The following NOPCHAP1 variants were observed in gnomAD, a reference collection of about 807,000 sequenced individuals.
NOPCHAP1 encodes the protein DNA damage-sensitive RNA 1.
A neutral mutation model predicts 14.0 loss-of-function variants in NOPCHAP1; 13 were observed. That is an observed-to-expected ratio of 0.93 (90% CI 0.60 to 1.47). The LOEUF (loss-of-function observed/expected upper bound fraction) is 1.47, where lower values mean the gene tolerates loss of function less well. NOPCHAP1 is among the 40% of genes most tolerant of loss of function. The pLI, the probability that NOPCHAP1 is intolerant of heterozygous loss-of-function variation, is 0.00. For synonymous variants in NOPCHAP1, 78 were observed against 78.4 expected, an observed-to-expected ratio of 1.00 and a Z score of 0.03; for missense variants, 230 against 226.9, an observed-to-expected ratio of 1.01 and a Z score of -0.09.
rs573499770 is a variant in NOPCHAP1 at position 105,015,364 on chromosome 12, G to T, written c.*20668G>T. The T allele has an allele frequency of 6.6e-6, 1 of 152,308 alleles. No homozygotes were observed. The highest frequency in any genetic ancestry group is 2.1e-4 in the South Asian group (1 of 4,832). 9.4% of individuals were successfully genotyped at this position (152,308 alleles called of 1,614,324 possible). The stretch of plus-strand genomic sequence containing the variant: ...TAGGCATGGAATAATGATAATAAAT[G>T]GATTAAATGGATGCATGAAGGTATA... On this transcript the variant is annotated 3_prime_UTR_variant, in exon 4 of 4. Transcript: ENST00000552951.
intron 2 of NOPCHAP1, among the ~76,000 whole-genome samples, chr12:104,988,682 A>G (rs1369393854): frequency 1.3e-5 from 2 of 152,208 alleles, no homozygotes; most frequent in African/African-American, 4.8e-5. Context: ...TGTACTGCAC[A>G]TTCATAAGTA....
intron 2 of NOPCHAP1, among the ~76,000 whole-genome samples, chr12:104,989,730 A>G (rs1002595216): frequency 3.9e-5 from 6 of 152,126 alleles, no homozygotes; most frequent in Admixed American, 1.3e-4. Context: ...GCCTCTCCTG[A>G]AGGGACTCCA....
In NOPCHAP1 at chr12:105,015,128, C is replaced by T. The variant is rs1873918128; in HGVS notation, c.*20432C>T. ...GGAAATTGGAACCAGCTCTCCTTGA[C>T]TGTGACTCACTCGCTAAATGTGTAA... On this transcript the variant is annotated 3_prime_UTR_variant, in exon 4 of 4. Coordinates refer to ENST00000552951, the MANE Select transcript of NOPCHAP1 (RefSeq NM_152318.3). 6.6e-6 allele frequency: 1 copy of T among 152,226 alleles called. No individual in the cohort carries two copies. Among genetic ancestry groups the T allele is most frequent in the African/African-American group, 2.4e-5 (1 of 41,454 alleles). The allele number at this position is 152,226 out of a possible 1,614,324, so 9.4% of individuals were successfully genotyped here.
At position 105,008,357 on chromosome 12, in the gene NOPCHAP1, A is replaced by T. The variant is rs571247286; in HGVS notation, c.*13661A>T. ...TTGTTTTTTTCTCGTAAATTTGTTT[A>T]AGTTCTTTGTAGATTATGGATATTA... On this transcript the variant is annotated 3_prime_UTR_variant, in exon 4 of 4. Coordinates refer to ENST00000552951, the MANE Select transcript of NOPCHAP1 (RefSeq NM_152318.3). 1 of 152,014 alleles carries T rather than the reference A, an allele frequency of 6.6e-6. No homozygotes were observed. Among genetic ancestry groups the T allele is most frequent in the Non-Finnish European group, 1.5e-5 (1 of 68,006 alleles). The allele number at this position is 152,014 out of a possible 1,614,324, so 9.4% of individuals were successfully genotyped here. A position where few individuals can be genotyped will look rare whatever the true frequency, so the allele number is the denominator to read the frequency against.
In NOPCHAP1 at chr12:104,999,186, G is replaced by A. The variant is rs963632284; in HGVS notation, c.*4490G>A. On this transcript the variant is annotated 3_prime_UTR_variant, in exon 4 of 4. Coordinates refer to ENST00000552951, the MANE Select transcript of NOPCHAP1 (RefSeq NM_152318.3). Reference sequence around the variant, plus strand: ...TGTACCCACACACTGGCAGGAAATTGGAGGCGAGGTCTGTGTACACAGGTG... The same window carrying A: ...TGTACCCACACACTGGCAGGAAATTAGAGGCGAGGTCTGTGTACACAGGTG... 6.6e-5 allele frequency: 10 copies of A among 152,332 alleles called. No individual in the cohort carries two copies. The highest frequency in any genetic ancestry group is 2.4e-4 in the African/African-American group (10 of 41,406). The allele number at this position is 152,332 out of a possible 1,614,324, so 9.4% of individuals were successfully genotyped here. A position where few individuals can be genotyped will look rare whatever the true frequency, so the allele number is the denominator to read the frequency against.
rs1873687097 is a variant in NOPCHAP1, at chr12:105,005,413, G to A, written c.*10717G>A. On this transcript the variant is annotated 3_prime_UTR_variant, in exon 4 of 4. Coordinates refer to ENST00000552951, the MANE Select transcript of NOPCHAP1 (RefSeq NM_152318.3). ...TACACCCTATTTAAATGAGGTAGTG[G>A]TCTGCAGCCAGTCTGATTAGTTGCT... 6.6e-6 allele frequency: 1 copy of A among 152,238 alleles called. No homozygotes were observed. Among genetic ancestry groups the A allele is most frequent in the Non-Finnish European group, 1.5e-5 (1 of 68,052 alleles). The allele number at this position is 152,238 out of a possible 1,614,324, so 9.4% of individuals were successfully genotyped here. A position where few individuals can be genotyped will look rare whatever the true frequency, so the allele number is the denominator to read the frequency against.
chr12:104,993,749 A>T (rs1462089209), intron 3 of NOPCHAP1, among the ~76,000 whole-genome samples: 3 of 152,238 alleles, frequency 2.0e-5, no homozygotes, highest in Admixed American at 1.3e-4. Context: ...TGAGCTGAAC[A>T]AAAGTAGGCG....
chr12:105,011,829 C>T lies in NOPCHAP1; in HGVS notation c.*17133C>T, dbSNP rs1411108422. ...GTTGAATATTGGCCCCCACTCTCTTCTGGCTTGTAGGGTTTCTTCAGAGAG... is the reference window on the plus strand; with the variant it reads ...GTTGAATATTGGCCCCCACTCTCTTTTGGCTTGTAGGGTTTCTTCAGAGAG... On this transcript the variant is annotated 3_prime_UTR_variant, in exon 4 of 4. Transcript: ENST00000552951. The T allele has an allele frequency of 1.3e-5, 2 of 152,214 alleles. No individual in the cohort carries two copies. Among genetic ancestry groups the T allele is most frequent in the Admixed American group, 6.5e-5 (1 of 15,284 alleles). 9.4% of individuals were successfully genotyped at this position (152,214 alleles called of 1,614,324 possible).
At position 105,010,744 on chromosome 12, in the gene NOPCHAP1, A is replaced by G. The variant is rs999154933; in HGVS notation, c.*16048A>G. 1.3e-5 allele frequency: 2 copies of G among 152,196 alleles called. No individual in the cohort carries two copies. The highest frequency in any genetic ancestry group is 2.9e-5 in the Non-Finnish European group (2 of 68,032). The allele number at this position is 152,196 out of a possible 1,614,324, so 9.4% of individuals were successfully genotyped here. A position where few individuals can be genotyped will look rare whatever the true frequency, so the allele number is the denominator to read the frequency against. On this transcript the variant is annotated 3_prime_UTR_variant, in exon 4 of 4. Transcript: ENST00000552951. ...AAACTTCGTTATTTACCCAGTAGTC[A>G]TTCAGGAGCAGGTTGTTCAGTTTCC...
chr12:104,988,153 G>T lies in NOPCHAP1; in HGVS notation c.116-14G>T, dbSNP rs1873283982. On this transcript the variant is annotated splice_polypyrimidine_tract_variant and intron_variant, in intron 1 of 3. Coordinates refer to ENST00000552951, the MANE Select transcript of NOPCHAP1 (RefSeq NM_152318.3). ...TGTAGTAAATTAAGGGTGTTTGTGT[G>T]TCTGTATTTTCAGGTATATGGGACA... is the stretch of plus-strand genomic sequence containing the variant. 6.3e-7 allele frequency: 1 copy of T among 1,586,156 alleles called. No individual in the cohort carries two copies. The highest frequency in any genetic ancestry group is 1.3e-5 in the African/African-American group (1 of 74,496).
In NOPCHAP1 at chr12:105,003,439, C is replaced by T. The variant is rs1462534856; in HGVS notation, c.*8743C>T. ...TTCTACTGGACCCAGTCTCTGGACCCTGTTTGGTAAAAGAATTGTTCAAGT... is the reference window on the plus strand; with the variant it reads ...TTCTACTGGACCCAGTCTCTGGACCTTGTTTGGTAAAAGAATTGTTCAAGT... On this transcript the variant is annotated 3_prime_UTR_variant, in exon 4 of 4. Transcript: ENST00000552951. The T allele has an allele frequency of 6.6e-6, 1 of 152,178 alleles. No individual in the cohort carries two copies. Among genetic ancestry groups the T allele is most frequent in the Non-Finnish European group, 1.5e-5 (1 of 68,046 alleles). The allele number at this position is 152,178 out of a possible 1,614,324, so 9.4% of individuals were successfully genotyped here.
At position 105,008,677 on chromosome 12, in the gene NOPCHAP1, G is replaced by A. The variant is rs1024020300; in HGVS notation, c.*13981G>A. 1 of 152,094 alleles carries A rather than the reference G, an allele frequency of 6.6e-6. No individual in the cohort carries two copies. The highest frequency in any genetic ancestry group is 1.5e-5 in the Non-Finnish European group (1 of 68,000). The allele number at this position is 152,094 out of a possible 1,614,324, so 9.4% of individuals were successfully genotyped here. ...TTTTTGTATAAGGTGTAAGAAAGGGGTCCAGTTTCAGTTTTCTGCATATGG... is the reference window on the plus strand; with the variant it reads ...TTTTTGTATAAGGTGTAAGAAAGGGATCCAGTTTCAGTTTTCTGCATATGG... On this transcript the variant is annotated 3_prime_UTR_variant, in exon 4 of 4. Coordinates refer to ENST00000552951, the MANE Select transcript of NOPCHAP1 (RefSeq NM_152318.3).
intron 2 of NOPCHAP1, among the ~76,000 whole-genome samples, chr12:104,988,969 C>T (rs1873314127): frequency 6.6e-6 from 1 of 151,586 alleles, no homozygotes; most frequent in South Asian, 2.1e-4. Flanking sequence ...TGAGGGATTA[C>T]ATACCTAGGA....
rs1873755980 is a variant in NOPCHAP1 at position 105,008,721 on chromosome 12, A to G, written c.*14025A>G. On this transcript the variant is annotated 3_prime_UTR_variant, in exon 4 of 4. Transcript: ENST00000552951. ...CATATGGCTAGCCAGTTTACCCAAC[A>G]CCATTTATTAAATAGGGAATCTTTT... 1 of 152,144 alleles carries G rather than the reference A, an allele frequency of 6.6e-6. No individual in the cohort carries two copies. The highest frequency in any genetic ancestry group is 2.4e-5 in the African/African-American group (1 of 41,420). The allele number at this position is 152,144 out of a possible 1,614,324, so 9.4% of individuals were successfully genotyped here.
chr12:104,987,680 C>A (rs1165256958), intron 1 of NOPCHAP1, among the ~76,000 whole-genome samples: 2 of 152,058 alleles, frequency 1.3e-5, no homozygotes, highest in Admixed American at 1.3e-4. Context: ...TGACAAAATC[C>A]CCAAAAGGCT....
At chr12:104,986,575 C>A in intron 1 of NOPCHAP1, 108 bp downstream of exon 1, 1 of 917,556 alleles carries the variant, frequency 1.1e-6, no homozygotes, top group South Asian at 1.8e-5. Context: ...TCCGTACCCT[C>A]GAGGGGAGCC....
In NOPCHAP1 at chr12:105,002,318, A is replaced by G. The variant is rs1001766801; in HGVS notation, c.*7622A>G. 6.6e-6 allele frequency: 1 copy of G among 152,180 alleles called. No homozygotes were observed. The highest frequency in any genetic ancestry group is 1.5e-5 in the Non-Finnish European group (1 of 68,022). The allele number at this position is 152,180 out of a possible 1,614,324, so 9.4% of individuals were successfully genotyped here. ...ATGTTGGGCTAGGGCCACCAATTCAATCATATCTATAACCTCCCATCCTGG... is the reference window on the plus strand; with the variant it reads ...ATGTTGGGCTAGGGCCACCAATTCAGTCATATCTATAACCTCCCATCCTGG... On this transcript the variant is annotated 3_prime_UTR_variant, in exon 4 of 4. Transcript: ENST00000552951.
chr12:105,008,295 G>C lies in NOPCHAP1; in HGVS notation c.*13599G>C, dbSNP rs1437018807. Reference sequence around the variant, plus strand: ...CCGCATAAATGTCTTCTTTTGAGAAGTGTCTGTTCGTATCCTTCGCCCACT... The same window carrying C: ...CCGCATAAATGTCTTCTTTTGAGAACTGTCTGTTCGTATCCTTCGCCCACT... On this transcript the variant is annotated 3_prime_UTR_variant, in exon 4 of 4. Coordinates refer to ENST00000552951, the MANE Select transcript of NOPCHAP1 (RefSeq NM_152318.3). 2 of 152,352 alleles carry C rather than the reference G, an allele frequency of 1.3e-5. No individual in the cohort carries two copies. The highest frequency in any genetic ancestry group is 4.8e-5 in the African/African-American group (2 of 41,578). 9.4% of individuals were successfully genotyped at this position (152,352 alleles called of 1,614,324 possible).
In NOPCHAP1 at chr12:105,011,599, A is replaced by G. The variant is rs564155383; in HGVS notation, c.*16903A>G. 6.6e-6 allele frequency: 1 copy of G among 152,228 alleles called. No individual in the cohort carries two copies. Among genetic ancestry groups the G allele is most frequent in the East Asian group, 1.9e-4 (1 of 5,182 alleles). The allele number at this position is 152,228 out of a possible 1,614,324, so 9.4% of individuals were successfully genotyped here. On this transcript the variant is annotated 3_prime_UTR_variant, in exon 4 of 4. Coordinates refer to ENST00000552951, the MANE Select transcript of NOPCHAP1 (RefSeq NM_152318.3). Reference sequence around the variant, plus strand: ...CTTCATAGTGTTGATGGTCCTTACAATTTGGTATGTTTTTGCAGTGGCTAG... The same window carrying G: ...CTTCATAGTGTTGATGGTCCTTACAGTTTGGTATGTTTTTGCAGTGGCTAG...
Sources: allele counts gnomAD v4.1 joint callset (sites outside exome capture counted in the v4.1 genomes callset), GRCh38; gene constraint gnomAD v4.1.1; transcripts MANE v1.5; gene names NCBI Gene and HGNC (gene_info 2026-07-23, HGNC 2026-07-21).